The following TENM4 variants were observed in gnomAD, a reference collection of about 807,000 sequenced individuals.
TENM4 encodes the protein teneurin-4.
Under a neutral mutation model 243.3 loss-of-function variants are expected in TENM4, and 82 were observed. The ratio of observed to expected loss-of-function variants is 0.34; its 90% CI spans 0.28 to 0.40. The LOEUF is 0.40. TENM4 is among the 10% of genes least tolerant of loss of function. The pLI is 1.00. For synonymous variants in TENM4, 1,412 were observed against 1,456.3 expected, an observed-to-expected ratio of 0.97 and a Z score of 0.69; for missense variants, 3,138 against 3,673.3, an observed-to-expected ratio of 0.85 and a Z score of 3.77.
At chr11:79,100,741 A>G (rs1204013057) in intron 4 of TENM4, among the ~76,000 whole-genome samples, 1 of 152,176 alleles carries the variant, frequency 6.6e-6, no homozygotes, top group East Asian at 1.9e-4. Flanking sequence ...CCAAGTGACA[A>G]GTGGCAACCT....
intron 2 of TENM4, among the ~76,000 whole-genome samples, chr11:79,280,611 G>T (rs570233816): frequency 1.0e-3 from 154 of 152,310 alleles, no homozygotes; most frequent in African/African-American, 3.4e-3. Flanking sequence ...CACATAGGAG[G>T]CTGTGATTCC....
chr11:79,138,357 A>AT (rs1418230859), intron 4 of TENM4, among the ~76,000 whole-genome samples: 3 of 124,422 alleles, frequency 2.4e-5, no homozygotes, highest in African/African-American at 9.3e-5. Context: ...AAAAATATAT[A>AT]ATATATAATA....
intron 3 of TENM4, among the ~76,000 whole-genome samples, chr11:79,154,745 C>G (rs1862570160): frequency 6.6e-6 from 1 of 152,096 alleles, no homozygotes; most frequent in Admixed American, 6.5e-5. Context: ...TTCCTCTACT[C>G]TACATTCTCA....
intron 6 of TENM4, among the ~76,000 whole-genome samples, chr11:78,955,619 T>C (rs1353024478): frequency 6.6e-6 from 1 of 152,124 alleles, no homozygotes; most frequent in Non-Finnish European, 1.5e-5. Context: ...TTGGGGAAAT[T>C]AGTGGAAAAG....
intron 1 of TENM4, among the ~76,000 whole-genome samples, chr11:79,306,932 C>T (rs1856635282): frequency 6.6e-6 from 1 of 152,156 alleles, no homozygotes; most frequent in South Asian, 2.1e-4. Flanking sequence ...ACCACCACTG[C>T]TGCCATAGTC....
chr11:78,654,569 G>GC lies in TENM4; in HGVS notation c.*3488dup, dbSNP rs1857845327. On this transcript the variant is annotated 3_prime_UTR_variant, in exon 34 of 34. Coordinates refer to ENST00000278550, the MANE Select transcript of TENM4 (RefSeq NM_001098816.3). ...AGTCTGCCTTGCCATCATCTTCTGT[G>GC]CCCCCTCCTGGTTATTTGGACACAC... is the stretch of plus-strand genomic sequence containing the variant. 1 of 152,036 alleles carries GC rather than the reference G, an allele frequency of 6.6e-6. No individual in the cohort carries two copies. Among genetic ancestry groups the GC allele is most frequent in the Admixed American group, 6.6e-5 (1 of 15,264 alleles). The allele number at this position is 152,036 out of a possible 1,614,324, so 9.4% of individuals were successfully genotyped here. A position where few individuals can be genotyped will look rare whatever the true frequency, so the allele number is the denominator to read the frequency against.
Position 79,138,831 on chromosome 11 carries a change from CAT to C in TENM4, c.-66+9877_-66+9878del, listed in dbSNP as rs1177330366. 6.9e-5 allele frequency among the ~76,000 whole-genome samples: 5 copies of C among 72,270 alleles called. No homozygotes were observed. The East Asian group carries it at 1.4e-3, about 20-fold the overall frequency. The allele number at this position is 72,270 out of a possible 152,430, so 47.4% of individuals were successfully genotyped here. ...TACATATTTATATAAATATACAAAA[CAT>C]ACATTATATTTATATAAATATACAA... On this transcript the variant is annotated intron_variant, in intron 4 of 33. Transcript: ENST00000278550.
intron 2 of TENM4, among the ~76,000 whole-genome samples, chr11:79,219,810 C>G (rs1864124046): frequency 6.6e-6 from 1 of 152,152 alleles, no homozygotes; most frequent in African/African-American, 2.4e-5. Context: ...TCAGGAAGGC[C>G]CAGGTGGAAT....
chr11:78,923,378 G>T lies in TENM4; in HGVS notation c.494-19855C>A, dbSNP rs1336336577. 3.4e-5 allele frequency among the ~76,000 whole-genome samples: 5 copies of T among 145,628 alleles called. No homozygotes were observed. In the East Asian group the frequency reaches 8.1e-4, roughly 24 times the overall value. On this transcript the variant is annotated intron_variant, in intron 6 of 33. Transcript: ENST00000278550. The stretch of plus-strand genomic sequence containing the variant: ...CCTTGAGTAACAACAGTGTGGTTTG[G>T]GGAACTGATCTACACTCAAGGTGCC...
At chr11:78,921,457 G>T (rs568807434) in intron 6 of TENM4, among the ~76,000 whole-genome samples, 23 of 152,190 alleles carry the variant, frequency 1.5e-4, no homozygotes, top group Admixed American at 1.2e-3. Context: ...GATGTCGAAA[G>T]CCTCCATGAA....
intron 2 of TENM4, among the ~76,000 whole-genome samples, chr11:79,227,105 T>C (rs1161870323): frequency 1.3e-5 from 2 of 152,188 alleles, no homozygotes; most frequent in African/African-American, 4.8e-5. Context: ...AGCCAGGGTA[T>C]CTTCACCTCT....
chr11:79,143,999 CAAAGT>C (rs1214013053), intron 4 of TENM4, among the ~76,000 whole-genome samples: 1 of 151,878 alleles, frequency 6.6e-6, no homozygotes, highest in African/African-American at 2.4e-5. Context: ...ACAATATCAA[CAAAGT>C]AAAGAGACAA....
chr11:78,729,541 G>A lies in TENM4; in HGVS notation c.3241C>T (p.His1081Tyr), dbSNP rs1234905744. 4 of 1,614,002 alleles carry A rather than the reference G, an allele frequency of 2.5e-6. No homozygotes were observed. The highest frequency in any genetic ancestry group is 3.4e-6 in the Non-Finnish European group (4 of 1,179,892). The part of the protein sequence containing the change: ...YKSVLRISLT[H>Y]PTIPFNLMKV... Reference sequence around the variant, plus strand: ...ATGAGGTTGAAGGGGATGGTCGGGTGGGTGAGGCTGATCCTCAGGACAGAT... The same window carrying A: ...ATGAGGTTGAAGGGGATGGTCGGGTAGGTGAGGCTGATCCTCAGGACAGAT... The change falls in exon 22 of 34, where the codon CAC (histidine) becomes TAC (tyrosine). Residue 1081 changes from histidine (H) to tyrosine (Y), a missense_variant. Physicochemically the swap from His to Tyr is moderately conservative, Grantham distance 83 (BLOSUM62 2). Coordinates refer to ENST00000278550, the MANE Select transcript of TENM4 (RefSeq NM_001098816.3).
chr11:79,048,865 G>A (rs1047934761), intron 6 of TENM4, among the ~76,000 whole-genome samples: 6 of 152,118 alleles, frequency 3.9e-5, no homozygotes, highest in African/African-American at 1.4e-4. Flanking sequence ...CCATTCTGGT[G>A]GGCATTCTTC....
At chr11:79,106,243 A>T (rs1355215097) in intron 4 of TENM4, among the ~76,000 whole-genome samples, 2 of 152,240 alleles carry the variant, frequency 1.3e-5, no homozygotes, top group South Asian at 4.1e-4. Flanking sequence ...TACCTAGATG[A>T]GGGAAGGAGG....
chr11:79,089,133 C>T (rs1860885679), intron 4 of TENM4, among the ~76,000 whole-genome samples: 1 of 152,200 alleles, frequency 6.6e-6, no homozygotes, highest in African/African-American at 2.4e-5. Flanking sequence ...CCTTGGGTCA[C>T]TGTGCAGGCC....
chr11:79,005,971 G>A (rs951051290), intron 6 of TENM4, among the ~76,000 whole-genome samples: 1 of 152,172 alleles, frequency 6.6e-6, no homozygotes, highest in Non-Finnish European at 1.5e-5. Flanking sequence ...TGAGAGCTAA[G>A]TCAAGAAAAA....
intron 1 of TENM4, among the ~76,000 whole-genome samples, chr11:79,394,713 A>C (rs1858305394): frequency 6.6e-6 from 1 of 152,230 alleles, no homozygotes; most frequent in Admixed American, 6.5e-5. Flanking sequence ...GATGTAAGTT[A>C]AGGTGTAGTC....
chr11:79,286,495 A>T (rs908076515), intron 2 of TENM4, among the ~76,000 whole-genome samples: 3 of 101,256 alleles, frequency 3.0e-5, no homozygotes, highest in Non-Finnish European at 5.9e-5. Context: ...TCTACTAAAA[A>T]ATCCAAAAAA....
Sources: gnomAD v4.1 joint callset for allele counts (sites outside exome capture counted in the v4.1 genomes callset) on GRCh38, gnomAD v4.1.1 for gene constraint, MANE v1.5 for transcripts, NCBI Gene and HGNC (gene_info 2026-07-23, HGNC 2026-07-21) for gene names.